The following CARF variants were observed in gnomAD, a reference collection of about 807,000 sequenced individuals.
The protein encoded by CARF is calcium-responsive transcription factor.
CARF carries 57 observed loss-of-function variants against 82.0 expected under a neutral mutation model. The ratio of observed to expected loss-of-function variants is 0.70; its 90% CI spans 0.56 to 0.87. CARF has a LOEUF of 0.87. CARF is among the 40% of genes least tolerant of loss of function. The pLI is 0.00. For synonymous variants in CARF, 268 were observed against 290.1 expected (o/e 0.92, Z 0.77); for missense variants, 771 against 855.8 (o/e 0.90, Z 1.24).
In CARF at chr2:202,928,478, G is replaced by A. The variant is rs79359408; in HGVS notation, c.-44+4063G>A. Among the ~76,000 whole-genome samples, 693 of 151,946 alleles carry A rather than the reference G, an allele frequency of 4.6e-3. 18 individuals are homozygous for A. In the East Asian group the frequency reaches 0.063, roughly 14 times the overall value. On this transcript the variant is annotated intron_variant, in intron 3 of 16. Transcript: ENST00000438828. ...TTGACTTACTGATTTCCTTTCCTTT[G>A]GATATTTACCCATTAGTGGAATTGC...
At chr2:202,957,157 C>A (rs2059092807) in intron 8 of CARF, among the ~76,000 whole-genome samples, 1 of 152,094 alleles carries the variant, frequency 6.6e-6, no homozygotes, top group Non-Finnish European at 1.5e-5. Context: ...TTTCAATAGG[C>A]CTTTGTCCTC....
intron 5 of CARF, 151 bp from the exon 6 acceptor site, chr2:202,952,408 T>C (rs907574396): frequency 2.7e-6 from 2 of 728,508 alleles, no homozygotes; most frequent in Non-Finnish European, 4.1e-6. Flanking sequence ...AAAAAATGTT[T>C]ATGTGCCTCA....
intron 14 of CARF, among the ~76,000 whole-genome samples, chr2:202,979,121 G>A (rs2105936344): frequency 6.6e-6 from 1 of 152,272 alleles, no homozygotes; most frequent in South Asian, 2.1e-4. Context: ...GCTGGGCATG[G>A]TGGCACATGC....
chr2:202,986,882 A>ATG lies in CARF; in HGVS notation c.*3259_*3260insGT, dbSNP rs1559298943. 2.0e-4 allele frequency: 24 copies of ATG among 121,216 alleles called. No homozygotes were observed. Among genetic ancestry groups the ATG allele is most frequent in the Non-Finnish European group, 2.4e-4 (13 of 54,790 alleles). 7.5% of individuals were successfully genotyped at this position (121,216 alleles called of 1,614,324 possible). On this transcript the variant is annotated 3_prime_UTR_variant, in exon 17 of 17. Coordinates refer to ENST00000438828, the MANE Select transcript of CARF (RefSeq NM_024744.17). ...AATGTCTGTGCGTATATATATATAT[A>ATG]TATATATATATATATATATATATAT...
At chr2:202,918,343 AC>A (rs1420510553) in intron 2 of CARF, among the ~76,000 whole-genome samples, 1 of 152,026 alleles carries the variant, frequency 6.6e-6, no homozygotes, top group African/African-American at 2.4e-5. Flanking sequence ...ACACGGTGAA[AC>A]CCCGTCTCTA....
chr2:202,986,888 A>ACG lies in CARF; in HGVS notation c.*3264_*3265insCG, dbSNP rs1375395405. ...TGTGCGTATATATATATATATATAT[A>ACG]TATATATATATATATATATAGCAAC... On this transcript the variant is annotated 3_prime_UTR_variant, in exon 17 of 17. Coordinates refer to ENST00000438828, the MANE Select transcript of CARF (RefSeq NM_024744.17). 1 of 134,660 alleles carries ACG rather than the reference A, an allele frequency of 7.4e-6. No individual in the cohort carries two copies. Among genetic ancestry groups the ACG allele is most frequent in the African/African-American group, 2.7e-5 (1 of 37,266 alleles). The allele number at this position is 134,660 out of a possible 1,614,324, so 8.3% of individuals were successfully genotyped here.
chr2:202,944,991 A>G (rs1162924850), intron 5 of CARF, among the ~76,000 whole-genome samples: 1 of 152,218 alleles, frequency 6.6e-6, no homozygotes, highest in Non-Finnish European at 1.5e-5. Flanking sequence ...GATGACACAG[A>G]AGGTTATTTG....
intron 2 of CARF, among the ~76,000 whole-genome samples, chr2:202,923,965 A>G (rs1245443259): frequency 6.6e-6 from 1 of 152,246 alleles, no homozygotes; most frequent in African/African-American, 2.4e-5. Context: ...CACCTTATAC[A>G]AAAATCAACT....
chr2:202,943,079 A>G, intron 5 of CARF, 112 bp downstream of exon 5: 1 of 859,070 alleles, frequency 1.2e-6, no homozygotes, highest in Non-Finnish European at 1.8e-6. Flanking sequence ...TTATTTATTT[A>G]TTTATTTTTG....
At chr2:202,976,508 A>C (rs570622518) in intron 13 of CARF, among the ~76,000 whole-genome samples, 5 of 152,080 alleles carry the variant, frequency 3.3e-5, no homozygotes, top group Non-Finnish European at 2.9e-5. Context: ...TTTCTCCCTG[A>C]ATATTAGTCA....
At chr2:202,938,435 T>A (rs906160235) in intron 3 of CARF, 8 of 151,872 alleles carry the variant, frequency 5.3e-5, no homozygotes, top group African/African-American at 1.7e-4. Flanking sequence ...TTTATTTTTT[T>A]ATTTTTTTTA....
At chr2:202,948,912 CT>C (rs201033018) in intron 5 of CARF, among the ~76,000 whole-genome samples, 1,581 of 152,168 alleles carry the variant, frequency 0.01, 26 homozygotes, top group African/African-American at 0.035. Context: ...AGAGGGCATC[CT>C]TTTCTTGTGC....
At chr2:202,942,345 G>T (rs2105803735) in intron 4 of CARF, among the ~76,000 whole-genome samples, 3 of 151,340 alleles carry the variant, frequency 2.0e-5, no homozygotes, top group Admixed American at 2.0e-4. Flanking sequence ...CTGCACTCCT[G>T]CCTGGGCAAC....
intron 14 of CARF, among the ~76,000 whole-genome samples, chr2:202,980,616 GTATATATA>G (rs34656288): frequency 0.014 from 580 of 42,554 alleles, 15 homozygotes; most frequent in Middle Eastern, 0.021. Context: ...CGTCTTTCAA[GTATATATA>G]TATATATATA....
At chr2:202,921,055 G>A (rs1441466755) in intron 2 of CARF, among the ~76,000 whole-genome samples, 1 of 152,142 alleles carries the variant, frequency 6.6e-6, no homozygotes, top group Non-Finnish European at 1.5e-5. Context: ...AGGCTGGAGT[G>A]CAGTGGTGCA....
chr2:202,927,248 T>C (rs1239009598), intron 3 of CARF, among the ~76,000 whole-genome samples: 1 of 152,214 alleles, frequency 6.6e-6, no homozygotes, highest in Non-Finnish European at 1.5e-5. Flanking sequence ...TCCTTTAATA[T>C]GGCCTTCATT....
rs2060447856 is a variant in CARF, at chr2:202,986,879, T to TAC, written c.*3256_*3257insCA. On this transcript the variant is annotated 3_prime_UTR_variant, in exon 17 of 17. Transcript: ENST00000438828. ...AAAAATGTCTGTGCGTATATATATA[T>TAC]ATATATATATATATATATATATATA... The TAC allele has an allele frequency of 2.6e-5, 3 of 116,814 alleles. No homozygotes were observed. The highest frequency in any genetic ancestry group is 5.7e-5 in the Non-Finnish European group (3 of 52,488). The allele number at this position is 116,814 out of a possible 1,614,324, so 7.2% of individuals were successfully genotyped here.
chr2:202,986,796 C>T lies in CARF; in HGVS notation c.*3172C>T, dbSNP rs1423525224. On this transcript the variant is annotated 3_prime_UTR_variant, in exon 17 of 17. Coordinates refer to ENST00000438828, the MANE Select transcript of CARF (RefSeq NM_024744.17). ...TATCCTGTCAGAATACATACTTAAT[C>T]ATGTGGGTATGAGAAAGATGTTGTT... The T allele has an allele frequency of 6.9e-6, 1 of 144,118 alleles. No individual in the cohort carries two copies. The highest frequency in any genetic ancestry group is 2.6e-5 in the African/African-American group (1 of 39,184). 8.9% of individuals were successfully genotyped at this position (144,118 alleles called of 1,614,324 possible).
At position 202,988,033 on chromosome 2, in the gene CARF, A is replaced by C. The variant is rs1169446575; in HGVS notation, c.*4409A>C. ...CCACTGATCTGCTTTCTTTATGATCAGTTTGCTACAAATGAAATCACATAA... is the reference window on the plus strand; with the variant it reads ...CCACTGATCTGCTTTCTTTATGATCCGTTTGCTACAAATGAAATCACATAA... On this transcript the variant is annotated 3_prime_UTR_variant, in exon 17 of 17. Coordinates refer to ENST00000438828, the MANE Select transcript of CARF (RefSeq NM_024744.17). Among the ~76,000 whole-genome samples, 1 of 152,186 alleles carries C rather than the reference A, an allele frequency of 6.6e-6. No homozygotes were observed. The highest frequency in any genetic ancestry group is 6.5e-5 in the Admixed American group (1 of 15,276).
Sources: allele counts gnomAD v4.1 joint callset (sites outside exome capture counted in the v4.1 genomes callset), GRCh38; gene constraint gnomAD v4.1.1; transcripts MANE v1.5; gene names NCBI Gene and HGNC (gene_info 2026-07-23, HGNC 2026-07-21).